The following GPT2 variants were observed in gnomAD, a reference collection of about 807,000 sequenced individuals.
The protein encoded by GPT2 is glutamic--pyruvic transaminase 2.
GPT2 carries 30 observed loss-of-function variants against 56.9 expected under a neutral mutation model. The ratio of observed to expected loss-of-function variants is 0.53; its 90% CI spans 0.39 to 0.72. The LOEUF (loss-of-function observed/expected upper bound fraction) is 0.72, where lower values mean the gene tolerates loss of function less well. Ranked by LOEUF, GPT2 falls within the 30% of genes least tolerant of loss-of-function variation. The probability of loss-of-function intolerance (pLI) is 0.00; values close to 1 mark genes in which losing one functional copy is unlikely to be tolerated. For synonymous variants in GPT2, 271 were observed against 283.1 expected (o/e 0.96, Z 0.43); for missense variants, 542 against 703.4 (o/e 0.77, Z 2.60).
intron 4 of GPT2, among the ~76,000 whole-genome samples, chr16:46,901,731 G>A (rs1042586126): frequency 2.0e-5 from 3 of 151,840 alleles, no homozygotes; most frequent in African/African-American, 2.4e-5. Context: ...TTTCTGCTCC[G>A]TCCCTTATTG....
intron 6 of GPT2, chr16:46,916,294 C>T (rs1025833413): frequency 3.9e-5 from 7 of 179,472 alleles, no homozygotes; most frequent in South Asian, 1.3e-4. Flanking sequence ...TGCAGTGAGC[C>T]GAGATTGTGC....
rs914609160 is a variant in GPT2 at position 46,884,471 on chromosome 16, C to G, written c.-23+4C>G. 5 of 364,926 alleles carry G rather than the reference C, an allele frequency of 1.4e-5. No homozygotes were observed. The highest frequency in any genetic ancestry group is 1.4e-5 in the Non-Finnish European group (3 of 208,448). The allele number at this position is 364,926 out of a possible 1,614,324, so 22.6% of individuals were successfully genotyped here. A position where few individuals can be genotyped will look rare whatever the true frequency, so the allele number is the denominator to read the frequency against. On this transcript the variant is annotated splice_donor_region_variant and intron_variant, in intron 1 of 11. Coordinates refer to ENST00000340124, the MANE Select transcript of GPT2 (RefSeq NM_133443.4). ...GAGGGCCTACCAGGGGCGACAGGCA[C>G]GTTGCATGCATGCCTTGGGCGCAGC... is the stretch of plus-strand genomic sequence containing the variant.
intron 8 of GPT2, among the ~76,000 whole-genome samples, 188 bp downstream of exon 8, chr16:46,918,945 A>G (rs1321790909): frequency 6.6e-6 from 1 of 152,204 alleles, no homozygotes; most frequent in Non-Finnish European, 1.5e-5. Flanking sequence ...GGGCTCAAAT[A>G]AGGGCGTGCT....
At chr16:46,891,265 C>T (rs969981997) in intron 2 of GPT2, among the ~76,000 whole-genome samples, 4 of 150,972 alleles carry the variant, frequency 2.6e-5, no homozygotes, top group African/African-American at 2.4e-5. Context: ...TTTTTTGAGA[C>T]GGAGTCTCGC....
intron 2 of GPT2, among the ~76,000 whole-genome samples, chr16:46,892,606 T>G (rs1044379618): frequency 6.6e-6 from 1 of 152,244 alleles, no homozygotes; most frequent in Non-Finnish European, 1.5e-5. Context: ...TTTGAACTTT[T>G]TATAATAACC....
Position 46,884,802 on chromosome 16 carries a change from C to A in GPT2, c.87C>A (p.Ala29=). 1 of 1,516,560 alleles carries A rather than the reference C, an allele frequency of 6.6e-7. No individual in the cohort carries two copies. Among genetic ancestry groups the A allele is most frequent in the South Asian group, 1.2e-5 (1 of 80,786 alleles). The allele number at this position is 1,516,560 out of a possible 1,614,324, so 93.9% of individuals were successfully genotyped here. ...GCCGCAGCCAGAGCAGCGCGGCCGC[C>A]GAGGCCTCGGCGGTGCTCAAGGTGC... The part of the protein sequence containing the change: ...SWGRSQSSAA[A]EASAVLKVRP... Residue 29 remains alanine (A), a synonymous_variant, in exon 2 of 12, where the codon GCC becomes GCA. Transcript: ENST00000340124.
At chr16:46,884,628 T>G in intron 1 of GPT2, 66 bp from the exon 2 acceptor site, 4 of 1,295,528 alleles carry the variant, frequency 3.1e-6, no homozygotes, top group South Asian at 2.9e-5. Flanking sequence ...GCTGGGCTTG[T>G]GTGGGGGAGT....
At position 46,922,379 on chromosome 16, in the gene GPT2, C is replaced by T. The variant is rs764789266; in HGVS notation, c.1175C>T (p.Pro392Leu). The change falls in exon 9 of 12, where the codon CCG becomes CTG. Residue 392 changes from proline to leucine, a missense_variant. Pro to Leu is a moderately conservative substitution (Grantham distance 98, BLOSUM62 -3). Transcript: ENST00000340124. ...QAAMDIVVNP[P>L]VAGEESFEQF... is the part of the protein sequence containing the mutation. ...GCCATGGACATTGTCGTGAACCCCC[C>T]GGTGGCAGGAGAGGAGTCCTTTGAG... The T allele has an allele frequency of 1.1e-5, 18 of 1,613,308 alleles. No homozygotes were observed. Among genetic ancestry groups the T allele is most frequent in the East Asian group, 2.2e-5 (1 of 44,870 alleles).
intron 2 of GPT2, among the ~76,000 whole-genome samples, chr16:46,896,499 A>G (rs1960688725): frequency 6.6e-6 from 1 of 151,988 alleles, no homozygotes; most frequent in Admixed American, 6.5e-5. Context: ...TCATTCTGCA[A>G]AGAATGGGTT....
intron 2 of GPT2, among the ~76,000 whole-genome samples, chr16:46,897,237 G>A (rs540323449): frequency 1.3e-5 from 2 of 152,246 alleles, no homozygotes; most frequent in Non-Finnish European, 2.9e-5. Flanking sequence ...GCCGGGTGTG[G>A]TGGTGCACGT....
chr16:46,896,083 G>A (rs1477297801), intron 2 of GPT2, among the ~76,000 whole-genome samples: 1 of 152,186 alleles, frequency 6.6e-6, no homozygotes, highest in East Asian at 1.9e-4. Flanking sequence ...TGACCCTGGT[G>A]ACCTTGTTCC....
chr16:46,919,211 C>G (rs1596631133), intron 8 of GPT2, among the ~76,000 whole-genome samples: 1 of 152,346 alleles, frequency 6.6e-6, no homozygotes, highest in East Asian at 1.9e-4. Flanking sequence ...CTAATGTTTA[C>G]TGAGCACTTA....
chr16:46,884,965 G>A lies in GPT2; in HGVS notation c.243+7G>A. 2 of 1,484,992 alleles carry A rather than the reference G, an allele frequency of 1.3e-6. No individual in the cohort carries two copies. The highest frequency in any genetic ancestry group is 1.8e-6 in the Non-Finnish European group (2 of 1,110,992). The allele number at this position is 1,484,992 out of a possible 1,614,324, so 92.0% of individuals were successfully genotyped here. On this transcript the variant is annotated splice_region_variant and intron_variant, in intron 2 of 11. Transcript: ENST00000340124. The stretch of plus-strand genomic sequence containing the variant: ...CGAGCTCGAGCTGCAGCGGGTGAGC[G>A]CGCGCTGGGCCCCGGGGAGGCTGGG...
intron 6 of GPT2, among the ~76,000 whole-genome samples, chr16:46,911,304 T>C (rs1961042874): frequency 1.3e-5 from 2 of 152,208 alleles, no homozygotes; most frequent in African/African-American, 4.8e-5. Context: ...CAAGGGCTCC[T>C]CTCTCCTCCT....
At chr16:46,907,450 C>T (rs760611209) in intron 5 of GPT2, among the ~76,000 whole-genome samples, 2 of 152,188 alleles carry the variant, frequency 1.3e-5, no homozygotes, top group Admixed American at 6.5e-5. Flanking sequence ...GTGGGAACTC[C>T]GACCTGGTGG....
At chr16:46,909,957 T>C in intron 6 of GPT2, 30 bp downstream of exon 6, 1 of 1,566,910 alleles carries the variant, frequency 6.4e-7, no homozygotes, top group East Asian at 2.3e-5. Flanking sequence ...ACCAGTTTCG[T>C]AGAGGGTGGG....
At chr16:46,909,207 G>T (rs1960995201) in intron 5 of GPT2, among the ~76,000 whole-genome samples, 1 of 152,096 alleles carries the variant, frequency 6.6e-6, no homozygotes, top group Admixed American at 6.5e-5. Context: ...CAGGAGCAGG[G>T]TCAGAATAAT....
chr16:46,916,696 C>T lies in GPT2; in HGVS notation c.889C>T (p.Leu297=). ...HFAWEEKLFL[L]ADEVYQDNVY... ...TGCCTGGGAAGAGAAGCTCTTTCTC[C>T]TGGCTGATGAGGTAAGAATGTCCCC... Residue 297 remains leucine (L), a synonymous_variant, in exon 7 of 12, where the codon CTG becomes TTG. Transcript: ENST00000340124. 6.2e-7 allele frequency: 1 copy of T among 1,611,678 alleles called. No individual in the cohort carries two copies. The highest frequency in any genetic ancestry group is 1.1e-5 in the South Asian group (1 of 91,038).
chr16:46,913,132 G>A (rs1380593280), intron 6 of GPT2, among the ~76,000 whole-genome samples: 1 of 152,164 alleles, frequency 6.6e-6, no homozygotes, highest in East Asian at 1.9e-4. Context: ...CTGGCTCAGC[G>A]GGCATGCTCT....
Sources: gnomAD v4.1 joint callset for allele counts (sites outside exome capture counted in the v4.1 genomes callset) on GRCh38, gnomAD v4.1.1 for gene constraint, MANE v1.5 for transcripts, NCBI Gene and HGNC (gene_info 2026-07-23, HGNC 2026-07-21) for gene names.